The following OCA2 variants were observed in gnomAD, a reference collection of about 807,000 sequenced individuals.
OCA2 encodes the protein OCA2 melanosomal transmembrane protein.
A neutral mutation model predicts 100.2 loss-of-function variants in OCA2; 77 were observed. The observed-to-expected ratio is 0.77, with a 90% CI of 0.64 to 0.93. OCA2 has a LOEUF of 0.93. OCA2 is among the 40% of genes least tolerant of loss of function. The pLI is 0.00. For missense variants in OCA2, 1,062 were observed against 1,089.1 expected (o/e 0.98, Z 0.35); for synonymous variants, 432 against 439.2 (o/e 0.98, Z 0.21).
At chr15:28,060,629 C>A (rs915847714) in intron 2 of OCA2, among the ~76,000 whole-genome samples, 2 of 152,180 alleles carry the variant, frequency 1.3e-5, no homozygotes, top group Non-Finnish European at 2.9e-5. Context: ...ATTTTCAGAA[C>A]TTTGGAAGTT....
intron 19 of OCA2, among the ~76,000 whole-genome samples, chr15:27,898,148 A>C (rs2037784416): frequency 6.6e-6 from 1 of 152,142 alleles, no homozygotes; most frequent in Admixed American, 6.5e-5. Context: ...GAGACATTGG[A>C]CTGTGTACTT....
At chr15:27,810,855 A>C (rs922538689) in intron 23 of OCA2, among the ~76,000 whole-genome samples, 1 of 152,106 alleles carries the variant, frequency 6.6e-6, no homozygotes, top group Non-Finnish European at 1.5e-5. Context: ...GGCCATTATC[A>C]AAAAGTCAAA....
intron 2 of OCA2, among the ~76,000 whole-genome samples, chr15:28,070,321 C>T (rs2044200616): frequency 7.5e-6 from 1 of 133,008 alleles, no homozygotes; most frequent in African/African-American, 3.0e-5. Flanking sequence ...GGGGGGGGGT[C>T]AGCCCCCCGC....
chr15:27,966,623 C>T, intron 15 of OCA2, 67 bp downstream of exon 15: 1 of 1,586,068 alleles, frequency 6.3e-7, no homozygotes. Context: ...ATAAGAACTT[C>T]TCCTGGTAAA....
intron 1 of OCA2, among the ~76,000 whole-genome samples, chr15:28,093,848 T>G (rs2044916617): frequency 6.6e-6 from 1 of 152,130 alleles, no homozygotes; most frequent in South Asian, 2.1e-4. Context: ...CAACAGACTA[T>G]TTACTCTGAT....
At chr15:28,012,071 G>C (rs914744912) in intron 9 of OCA2, among the ~76,000 whole-genome samples, 1 of 150,650 alleles carries the variant, frequency 6.6e-6, no homozygotes, top group Non-Finnish European at 1.5e-5. Flanking sequence ...AATATATAAA[G>C]AACAGTCAAA....
chr15:27,752,811 C>T (rs866463228), downstream of OCA2, among the ~76,000 whole-genome samples: 5 of 129,856 alleles, frequency 3.9e-5, no homozygotes, highest in East Asian at 2.9e-4. Flanking sequence ...CCCCCCCCCC[C>T]CCCCCAGAGG....
At chr15:27,969,425 A>G (rs1158917041) in intron 14 of OCA2, among the ~76,000 whole-genome samples, 1 of 152,204 alleles carries the variant, frequency 6.6e-6, no homozygotes, top group Non-Finnish European at 1.5e-5. Flanking sequence ...GTTTGCACTA[A>G]GCTTATTAGG....
At chr15:27,766,335 CCCTGAGAAGGACCCT>C (rs1566944451) in intron 23 of OCA2, among the ~76,000 whole-genome samples, 51 of 152,198 alleles carry the variant, frequency 3.4e-4, no homozygotes, top group Middle Eastern at 3.4e-3. Flanking sequence ...CTGAAGCATG[CCCTGAGAAGGACCCT>C]ATGGTCATCT....
intron 19 of OCA2, among the ~76,000 whole-genome samples, chr15:27,886,347 G>C (rs1355902026): frequency 6.6e-6 from 1 of 152,204 alleles, no homozygotes; most frequent in African/African-American, 2.4e-5. Flanking sequence ...AAAAGAGGAA[G>C]CAGTGTCTCA....
chr15:27,736,045 T>C, the OCA2 span, among the ~76,000 whole-genome samples: 2 of 152,190 alleles, frequency 1.3e-5, no homozygotes, highest in African/African-American at 4.8e-5. Flanking sequence ...TGAGGTTTAG[T>C]CAATCCACAA....
chr15:27,864,959 C>A (rs968816315), intron 21 of OCA2, among the ~76,000 whole-genome samples: 1 of 151,562 alleles, frequency 6.6e-6, no homozygotes, highest in Non-Finnish European at 1.5e-5. Context: ...GAAGAAGAGG[C>A]GGCGGGTGTG....
At chr15:28,010,222 AC>A (rs1396855295) in intron 9 of OCA2, among the ~76,000 whole-genome samples, 4 of 152,188 alleles carry the variant, frequency 2.6e-5, no homozygotes, top group Admixed American at 6.5e-5. Context: ...CCCTCTTAGT[AC>A]ATTAGGAAAA....
chr15:27,984,876 C>T (rs2041294338), intron 13 of OCA2, among the ~76,000 whole-genome samples, 188 bp downstream of exon 13: 1 of 152,214 alleles, frequency 6.6e-6, no homozygotes, highest in Non-Finnish European at 1.5e-5. Context: ...TGAGGCCCCA[C>T]TGCTTGTAGC....
At chr15:27,975,827 C>G (rs946007836) in intron 14 of OCA2, among the ~76,000 whole-genome samples, 3 of 151,970 alleles carry the variant, frequency 2.0e-5, no homozygotes, top group Non-Finnish European at 4.4e-5. Context: ...AGAAAACCTG[C>G]TATAGTTTTG....
chr15:28,019,105 C>T (rs1245909555), intron 6 of OCA2, among the ~76,000 whole-genome samples: 2 of 152,102 alleles, frequency 1.3e-5, no homozygotes, highest in Non-Finnish European at 2.9e-5. Context: ...ACAGTGTTTT[C>T]TCCTCCCCTC....
At chr15:28,042,962 G>C (rs1189429638) in intron 2 of OCA2, among the ~76,000 whole-genome samples, 1 of 152,126 alleles carries the variant, frequency 6.6e-6, no homozygotes, top group African/African-American at 2.4e-5. Context: ...CGAACAACTA[G>C]TTTCATTACA....
chr15:27,835,313 C>T (rs1371683579), intron 23 of OCA2, among the ~76,000 whole-genome samples: 1 of 152,368 alleles, frequency 6.6e-6, no homozygotes, highest in South Asian at 2.1e-4. Flanking sequence ...ATTTATCCCA[C>T]AGCCCTGACA....
rs540983503 is a variant in OCA2, at chr15:27,988,375, T to C, written c.1182+1226A>G. Among the ~76,000 whole-genome samples the C allele has an allele frequency of 5.3e-5, 8 of 151,836 alleles. No homozygotes were observed. The South Asian group carries it at 1.5e-3, about 28-fold the overall frequency. ...CCTAGTACCTGGGAATGTGAGACTGTATTTGGAGTGAGGGCGTTGAAGGAG... is the reference window on the plus strand; with the variant it reads ...CCTAGTACCTGGGAATGTGAGACTGCATTTGGAGTGAGGGCGTTGAAGGAG... On this transcript the variant is annotated intron_variant, in intron 11 of 23. Transcript: ENST00000354638.
Sources: allele counts gnomAD v4.1 joint callset (sites outside exome capture counted in the v4.1 genomes callset), GRCh38; gene constraint gnomAD v4.1.1; transcripts MANE v1.5; gene names NCBI Gene and HGNC (gene_info 2026-07-23, HGNC 2026-07-21).